Variants in MB21D2 observed in about 807,000 individuals in gnomAD.
MB21D2 encodes nucleotidyltransferase MB21D2.
In MB21D2, 9 loss-of-function variants were observed where a neutral mutation model predicts 33.3. The observed-to-expected ratio is 0.27, with a 90% CI of 0.16 to 0.47. The LOEUF (loss-of-function observed/expected upper bound fraction) is 0.47. Ranked by LOEUF, MB21D2 falls within the 20% of genes least tolerant of loss-of-function variation. The pLI is 0.99. For missense variants in MB21D2, 540 were observed against 624.6 expected, an observed-to-expected ratio of 0.86 and a Z score of 1.44; for synonymous variants, 241 against 236.3, an observed-to-expected ratio of 1.02 and a Z score of -0.18.
At chr3:192,816,908 A>G (rs957135015) in intron 1 of MB21D2, among the ~76,000 whole-genome samples, 2 of 152,080 alleles carry the variant, frequency 1.3e-5, no homozygotes, top group Non-Finnish European at 2.9e-5. Context: ...CATCTTTCTC[A>G]TAAGGTTCTT....
At chr3:192,832,435 G>T (rs1712334343) in intron 1 of MB21D2, among the ~76,000 whole-genome samples, 1 of 152,180 alleles carries the variant, frequency 6.6e-6, no homozygotes, top group Non-Finnish European at 1.5e-5. Flanking sequence ...ACTTACTTAA[G>T]TGATGGCAAA....
chr3:192,835,236 C>T (rs1163750741), intron 1 of MB21D2, among the ~76,000 whole-genome samples: 4 of 148,736 alleles, frequency 2.7e-5, no homozygotes, highest in Non-Finnish European at 4.5e-5. Flanking sequence ...GGGCAGCTCA[C>T]GAGGTCAGGA....
At chr3:192,873,786 T>A (rs1713370607) in intron 1 of MB21D2, among the ~76,000 whole-genome samples, 1 of 152,092 alleles carries the variant, frequency 6.6e-6, no homozygotes, top group African/African-American at 2.4e-5. Context: ...CACTGTAACC[T>A]CTGCCTCTCG....
At chr3:192,840,406 CTCTTTTTTCTT>C (rs1712541047) in intron 1 of MB21D2, among the ~76,000 whole-genome samples, 2 of 117,652 alleles carry the variant, frequency 1.7e-5, no homozygotes, top group East Asian at 5.4e-4. Flanking sequence ...AGACTTTTTT[CTCTTTTTTCTT>C]TTTTTTTTTT....
intron 1 of MB21D2, among the ~76,000 whole-genome samples, chr3:192,821,033 C>A (rs1712041104): frequency 6.6e-6 from 1 of 152,078 alleles, no homozygotes; most frequent in Admixed American, 6.6e-5. Context: ...CCTCACAAAT[C>A]CATTTTAAAC....
At chr3:192,843,436 G>A (rs568253334) in intron 1 of MB21D2, among the ~76,000 whole-genome samples, 7 of 152,166 alleles carry the variant, frequency 4.6e-5, no homozygotes, top group South Asian at 4.2e-4. Context: ...TCATCACAGC[G>A]TAGAGGCCAG....
intron 1 of MB21D2, among the ~76,000 whole-genome samples, chr3:192,804,264 A>C (rs1711613444): frequency 6.6e-6 from 1 of 152,160 alleles, no homozygotes; most frequent in Non-Finnish European, 1.5e-5. Flanking sequence ...TCATCATGCA[A>C]ACATATAATG....
chr3:192,821,759 G>A (rs1340276042), intron 1 of MB21D2, among the ~76,000 whole-genome samples: 1 of 152,194 alleles, frequency 6.6e-6, no homozygotes, highest in African/African-American at 2.4e-5. Flanking sequence ...AGAGTTGACT[G>A]AGTGATTTGG....
At chr3:192,877,448 T>C (rs1168646762) in intron 1 of MB21D2, among the ~76,000 whole-genome samples, 1 of 152,158 alleles carries the variant, frequency 6.6e-6, no homozygotes, top group Non-Finnish European at 1.5e-5. Context: ...ACACAGGTCA[T>C]GCGTATCCTT....
chr3:192,858,529 A>T (rs1329619432), intron 1 of MB21D2, among the ~76,000 whole-genome samples: 1 of 152,266 alleles, frequency 6.6e-6, no homozygotes, highest in Non-Finnish European at 1.5e-5. Context: ...AAATAATGTT[A>T]TTCCTTTGAC....
At chr3:192,915,240 G>T in intron 1 of MB21D2, among the ~76,000 whole-genome samples, 1 of 152,116 alleles carries the variant, frequency 6.6e-6, no homozygotes, top group East Asian at 1.9e-4. Context: ...CAAGCTAGGG[G>T]TCATTAAGAG....
At chr3:192,882,341 C>A (rs531768467) in intron 1 of MB21D2, among the ~76,000 whole-genome samples, 23 of 151,414 alleles carry the variant, frequency 1.5e-4, no homozygotes, top group African/African-American at 5.6e-4. Flanking sequence ...TCCCAAAGTG[C>A]TGGGATTACA....
At chr3:192,816,569 G>C (rs1000136113) in intron 1 of MB21D2, among the ~76,000 whole-genome samples, 1 of 152,126 alleles carries the variant, frequency 6.6e-6, no homozygotes, top group African/African-American at 2.4e-5. Flanking sequence ...GATTTTACTG[G>C]TATGCTTTCA....
intron 1 of MB21D2, among the ~76,000 whole-genome samples, chr3:192,896,021 G>A (rs972545347): frequency 1.3e-5 from 2 of 152,094 alleles, no homozygotes; most frequent in Admixed American, 6.5e-5. Context: ...CGGAAAAAAA[G>A]GATTTTCCAC....
chr3:192,816,256 TA>T (rs1012928887), intron 1 of MB21D2, among the ~76,000 whole-genome samples: 4 of 151,974 alleles, frequency 2.6e-5, no homozygotes, highest in African/African-American at 9.7e-5. Flanking sequence ...TGAGAAAGGT[TA>T]TTAAAGGACT....
chr3:192,845,276 C>T (rs1171911691), intron 1 of MB21D2, among the ~76,000 whole-genome samples: 2 of 152,206 alleles, frequency 1.3e-5, no homozygotes, highest in Admixed American at 6.5e-5. Context: ...TAAACTCCGA[C>T]CGCTTTCATC....
At chr3:192,849,327 C>CG (rs1170327322) in intron 1 of MB21D2, among the ~76,000 whole-genome samples, 35 of 29,988 alleles carry the variant, frequency 1.2e-3, no homozygotes, top group Admixed American at 2.2e-3. Flanking sequence ...GGGGGGGGGG[C>CG]GGGGGGTGGG....
Position 192,799,259 on chromosome 3 carries a change from C to T in MB21D2, c.603G>A (p.Lys201=). The part of the protein sequence containing the change: ...SISIVLSEIQ[K]KPQRGMPKVE... ...CCTTTGGCATCCCTCGCTGGGGTTT[C>T]TTCTGTATTTCTGATAGGACAATGC... Residue 201 remains lysine (K), a synonymous_variant, in exon 2 of 2, where the codon AAG becomes AAA. Transcript: ENST00000392452. This position sits in a 1 kb window ranked among gnomAD's most constrained non-coding sequence, Gnocchi z 4.1. 1.2e-6 allele frequency: 2 copies of T among 1,614,228 alleles called. No homozygotes were observed. The highest frequency in any genetic ancestry group is 2.2e-5 in the South Asian group (2 of 91,086).
At chr3:192,855,891 G>A (rs1173086339) in intron 1 of MB21D2, among the ~76,000 whole-genome samples, 2 of 152,186 alleles carry the variant, frequency 1.3e-5, no homozygotes, top group East Asian at 3.8e-4. Flanking sequence ...TGGCCAACAT[G>A]GCGAAAGCCC....
Sources: allele counts gnomAD v4.1 joint callset (sites outside exome capture counted in the v4.1 genomes callset), GRCh38; gene constraint gnomAD v4.1.1; non-coding constraint Gnocchi (gnomAD v3.1); transcripts MANE v1.5; gene names NCBI Gene and HGNC (gene_info 2026-07-23, HGNC 2026-07-21).